KLF13: variants seen among roughly 807,000 people sequenced by gnomAD.
The protein encoded by KLF13 is Krueppel-like factor 13.
KLF13 carries 8 observed loss-of-function variants against 16.7 expected under a neutral mutation model. The observed-to-expected ratio is 0.48, with a 90% CI of 0.28 to 0.87. The LOEUF is 0.87. KLF13 is among the 40% of genes least tolerant of loss of function. The pLI, the probability that KLF13 is intolerant of heterozygous loss-of-function variation, is 0.10. For synonymous variants in KLF13, 245 were observed against 208.4 expected, an observed-to-expected ratio of 1.18 and a Z score of -1.51; for missense variants, 447 against 452.2, an observed-to-expected ratio of 0.99 and a Z score of 0.10.
intron 1 of KLF13, among the ~76,000 whole-genome samples, chr15:31,341,801 G>A (rs2039026828): frequency 6.6e-6 from 1 of 152,178 alleles, no homozygotes; most frequent in South Asian, 2.1e-4. Flanking sequence ...CACAGCATGT[G>A]GGGTGATGCT....
chr15:31,356,418 G>A (rs2039301178), intron 1 of KLF13, among the ~76,000 whole-genome samples: 1 of 152,226 alleles, frequency 6.6e-6, no homozygotes, highest in African/African-American at 2.4e-5. Context: ...TGGGCGTGGT[G>A]GCGGGCGCCT....
intron 1 of KLF13, among the ~76,000 whole-genome samples, chr15:31,341,066 G>A (rs576278456): frequency 6.6e-6 from 1 of 152,272 alleles, no homozygotes; most frequent in Admixed American, 6.5e-5. Context: ...ATCGCCTCAT[G>A]GAAGCTTGAC....
chr15:31,344,630 A>G (rs1490208017), intron 1 of KLF13, among the ~76,000 whole-genome samples: 1 of 152,128 alleles, frequency 6.6e-6, no homozygotes, highest in Non-Finnish European at 1.5e-5. Flanking sequence ...GCCAGTGGGG[A>G]GGGAGAGCTT....
intron 2 of KLF13, among the ~76,000 whole-genome samples, chr15:31,394,231 C>T (rs1027736149): frequency 6.6e-6 from 1 of 152,028 alleles, no homozygotes; most frequent in African/African-American, 2.4e-5. Context: ...AATCCTAACA[C>T]TTTGGGAGGC....
intron 1 of KLF13, among the ~76,000 whole-genome samples, chr15:31,367,611 C>CT (rs1315104158): frequency 6.6e-6 from 1 of 152,202 alleles, no homozygotes; most frequent in Non-Finnish European, 1.5e-5. Context: ...CAAGGCTCCT[C>CT]ACAAGGGCTA....
At position 31,372,543 on chromosome 15, in the gene KLF13, T is replaced by G. The variant is rs2039571946; in HGVS notation, c.*244T>G. 1.9e-6 allele frequency: 1 copy of G among 516,698 alleles called. No individual in the cohort carries two copies. Among genetic ancestry groups the G allele is most frequent in the South Asian group, 3.2e-5 (1 of 31,014 alleles). 32.0% of individuals were successfully genotyped at this position (516,698 alleles called of 1,614,324 possible). ...TGAGATTCAGCGTTGTTGAACCCCC[T>G]TTCTCAGGGATGGACACGTTTCACG... is the stretch of plus-strand genomic sequence containing the variant. On this transcript the variant is annotated 3_prime_UTR_variant, in exon 2 of 2. Transcript: ENST00000307145.
At chr15:31,333,551 C>T (rs1057365077) in intron 1 of KLF13, among the ~76,000 whole-genome samples, 8 of 152,210 alleles carry the variant, frequency 5.3e-5, no homozygotes, top group South Asian at 2.1e-4. Flanking sequence ...TTTCTCCTTT[C>T]CTCCTTCTCT....
chr15:31,335,421 T>TTGTG lies in KLF13; in HGVS notation c.577+7642_577+7645dup, dbSNP rs1166932948. ...TGTGATCGCCATTTGCTGTTGGGCATTGTGTGTGTGTGTATGTGTGTGTGT... is the reference window on the plus strand; with the variant it reads ...TGTGATCGCCATTTGCTGTTGGGCATTGTGTGTGTGTGTGTGTATGTGTGTGTGT... On this transcript the variant is annotated intron_variant, in intron 1 of 1. Coordinates refer to ENST00000307145, the MANE Select transcript of KLF13 (RefSeq NM_015995.4). 1.7e-3 allele frequency among the ~76,000 whole-genome samples: 180 copies of TTGTG among 108,126 alleles called. 8 individuals carry two copies. Among genetic ancestry groups the TTGTG allele is most frequent in the Non-Finnish European group, 2.5e-3 (127 of 50,406 alleles). The allele number at this position is 108,126 out of a possible 152,430, so 70.9% of individuals were successfully genotyped here.
intron 1 of KLF13, among the ~76,000 whole-genome samples, chr15:31,341,023 A>C (rs1370596507): frequency 6.6e-6 from 1 of 152,090 alleles, no homozygotes; most frequent in Non-Finnish European, 1.5e-5. Flanking sequence ...CTGGACCTGG[A>C]GCCCCGAGAC....
intron 1 of KLF13, among the ~76,000 whole-genome samples, chr15:31,332,096 C>G (rs190423747): frequency 1.3e-5 from 2 of 152,012 alleles, no homozygotes; most frequent in South Asian, 2.1e-4. Flanking sequence ...GTAGTGGACT[C>G]TGGTGTGTGT....
chr15:31,429,410 T>C (rs902159149), intron 1 of KLF13, among the ~76,000 whole-genome samples: 4 of 152,162 alleles, frequency 2.6e-5, no homozygotes, highest in African/African-American at 9.7e-5. Flanking sequence ...GAAAGCAGAA[T>C]AGCAGATGCC....
intron 1 of KLF13, among the ~76,000 whole-genome samples, chr15:31,343,523 C>G (rs909686368): frequency 2.0e-5 from 3 of 152,208 alleles, no homozygotes; most frequent in African/African-American, 7.2e-5. Context: ...CATCCAGCCT[C>G]CAGTGGGGAC....
intron 2 of KLF13, among the ~76,000 whole-genome samples, chr15:31,396,808 C>T (rs940246612): frequency 1.3e-5 from 2 of 152,180 alleles, no homozygotes; most frequent in Non-Finnish European, 2.9e-5. Flanking sequence ...GTCCTAGCTA[C>T]AAAGGCAGTC....
At chr15:31,397,503 C>T (rs1056687479) in intron 2 of KLF13, among the ~76,000 whole-genome samples, 7 of 152,214 alleles carry the variant, frequency 4.6e-5, no homozygotes, top group Admixed American at 3.9e-4. Flanking sequence ...GGCCTGCCAA[C>T]GTTGTCTGTC....
At chr15:31,365,656 G>A (rs1260620909) in intron 1 of KLF13, among the ~76,000 whole-genome samples, 3 of 152,174 alleles carry the variant, frequency 2.0e-5, no homozygotes, top group Non-Finnish European at 2.9e-5. Flanking sequence ...GGGGAGTTTG[G>A]CTAAGGCTGG....
rs764134397 is a variant in KLF13 at position 31,372,203 on chromosome 15, G to T, written c.771G>T (p.Leu257=). ...RRHANFHPGM[L]QRRGGGSRTG... ...ACGCCAACTTCCACCCGGGAATGCT[G>T]CAGCGGCGCGGCGGGGGCTCGCGGA... Residue 257 remains leucine, a synonymous_variant, in exon 2 of 2, where the codon CTG becomes CTT. Transcript: ENST00000307145. 2 of 1,606,838 alleles carry T rather than the reference G, an allele frequency of 1.2e-6. No individual in the cohort carries two copies. The highest frequency in any genetic ancestry group is 1.3e-5 in the African/African-American group (1 of 74,744).
Position 31,375,873 on chromosome 15 carries a change from G to C in KLF13, c.*3574G>C, listed in dbSNP as rs538133630. 1 of 152,440 alleles carries C rather than the reference G, an allele frequency of 6.6e-6. No homozygotes were observed. The highest frequency in any genetic ancestry group is 1.9e-4 in the East Asian group (1 of 5,180). 9.4% of individuals were successfully genotyped at this position (152,440 alleles called of 1,614,324 possible). On this transcript the variant is annotated 3_prime_UTR_variant, in exon 2 of 2. Transcript: ENST00000307145. ...CTGCACCCCCACCCACGACACTCGA[G>C]TGCAAGATCGCCTCACTCCTAACCC...
intron 1 of KLF13, among the ~76,000 whole-genome samples, chr15:31,416,996 G>A (rs539676063): frequency 1.3e-5 from 2 of 152,250 alleles, no homozygotes; most frequent in African/African-American, 2.4e-5. Flanking sequence ...TAATGGCAAT[G>A]TTATGAGTAA....
At chr15:31,423,630 C>G (rs2040370404) in intron 1 of KLF13, among the ~76,000 whole-genome samples, 1 of 151,816 alleles carries the variant, frequency 6.6e-6, no homozygotes. Context: ...GAGATTCCAT[C>G]TCAAAAAAAA....
Sources: allele counts gnomAD v4.1 joint callset (sites outside exome capture counted in the v4.1 genomes callset), GRCh38; gene constraint gnomAD v4.1.1; transcripts MANE v1.5; gene names NCBI Gene and HGNC (gene_info 2026-07-23, HGNC 2026-07-21).